ZBED6: variants seen among roughly 807,000 people sequenced by gnomAD.
ZBED6 encodes the protein zinc finger BED domain-containing protein 6.
Under a neutral mutation model 58.4 loss-of-function variants are expected in ZBED6, and 40 were observed. That is an observed-to-expected ratio of 0.68 (90% CI 0.53 to 0.89). The LOEUF is 0.89. Among genes scored for constraint, ZBED6 ranks in the 40% least tolerant of loss-of-function variants. ZBED6 has a pLI of 0.00. For synonymous variants in ZBED6, 439 were observed against 350.6 expected, an observed-to-expected ratio of 1.25 and a Z score of -2.82; for missense variants, 1,057 against 1,003.9, an observed-to-expected ratio of 1.05 and a Z score of -0.71.
At chr1:203,801,801 G>T (rs1256820064) in exon 1 of ZBED6, 4 of 115,566 alleles carry the variant, frequency 3.5e-5, no homozygotes, top group Middle Eastern at 4.8e-3. Flanking sequence ...TCAAAATCGG[G>T]TTTTTTTTGG....
Position 203,797,275 on chromosome 1 carries a change from T to G in ZBED6, c.-248T>G. 1 of 319,154 alleles carries G rather than the reference T, an allele frequency of 3.1e-6. No individual in the cohort carries two copies. Among genetic ancestry groups the G allele is most frequent in the Admixed American group, 4.6e-5 (1 of 21,534 alleles). 19.8% of individuals were successfully genotyped at this position (319,154 alleles called of 1,614,324 possible). The stretch of plus-strand genomic sequence containing the variant: ...CTGTAACATGAGGACACTGGACTAT[T>G]TGAATTCAGAACTTAGAAAATTGGA... On this transcript the variant is annotated 5_prime_UTR_variant, in exon 1 of 17. In the 5' UTR this introduces an upstream ATG that the reference lacks. Coordinates refer to ENST00000550078, the Ensembl canonical transcript of ZBED6.
intron 1 of ZBED6, among the ~76,000 whole-genome samples, chr1:203,814,384 T>C (rs10793742): frequency 0.98 from 149,322 of 152,268 alleles, 73,287 homozygotes; most frequent in East Asian, 1. Flanking sequence ...ATTAGCCATA[T>C]GTGGTGGTGC....
chr1:203,813,539 C>T (rs1675226491), intron 1 of ZBED6, among the ~76,000 whole-genome samples: 1 of 152,148 alleles, frequency 6.6e-6, no homozygotes. Flanking sequence ...CTATCCTTTT[C>T]CCCTTTGTCA....
At chr1:203,820,789 G>A (rs903076095) in intron 3 of ZBED6, among the ~76,000 whole-genome samples, 9 of 151,990 alleles carry the variant, frequency 5.9e-5, no homozygotes, top group Non-Finnish European at 1.3e-4. Flanking sequence ...TGGTATTTTT[G>A]TTGCATATCA....
chr1:203,800,312 C>G lies in ZBED6; in HGVS notation c.2790C>G (p.Ile930Met), dbSNP rs377177501. The stretch of plus-strand genomic sequence containing the variant: ...ATAGCCACTTTCATCCAAAACAGAT[C>G]ATGAGCCTGGACTTTGACAATATAG... The change falls in exon 1 of 17, where the codon ATC becomes ATG. Residue 930 changes from isoleucine (I) to methionine (M), a missense_variant. By Grantham distance (10) the Ile-to-Met change is conservative. Transcript: ENST00000550078. 2.2e-6 allele frequency: 2 copies of G among 894,488 alleles called. No individual in the cohort carries two copies. Among genetic ancestry groups the G allele is most frequent in the Non-Finnish European group, 3.6e-6 (2 of 560,300 alleles). 55.4% of individuals were successfully genotyped at this position (894,488 alleles called of 1,614,324 possible).
At chr1:203,828,194 C>T in intron 3 of ZBED6, 105 bp from the exon 4 acceptor site, 1 of 1,361,048 alleles carries the variant, frequency 7.3e-7, no homozygotes, top group Non-Finnish European at 1.0e-6. Flanking sequence ...TCTCACATGC[C>T]TCGGATTTTT....
At chr1:203,804,749 T>G (rs923338827) in intron 1 of ZBED6, among the ~76,000 whole-genome samples, 2 of 151,694 alleles carry the variant, frequency 1.3e-5, no homozygotes, top group African/African-American at 2.4e-5. Flanking sequence ...CTTGGCTCAT[T>G]GCAACCTCTG....
In ZBED6 at chr1:203,847,179, A is replaced by T; in HGVS notation, c.*3742-5A>T. ...TAATGACATGTTTTTCTCCTGTGAA[A>T]ACAGATAAAGTTAATAAAGTTGGTG... is the stretch of plus-strand genomic sequence containing the variant. On this transcript the variant is annotated splice_region_variant and splice_polypyrimidine_tract_variant and intron_variant, in intron 11 of 16. Coordinates refer to ENST00000550078, the Ensembl canonical transcript of ZBED6. 5.6e-6 allele frequency: 9 copies of T among 1,611,912 alleles called. No individual in the cohort carries two copies. The highest frequency in any genetic ancestry group is 7.6e-6 in the Non-Finnish European group (9 of 1,179,414).
intron 1 of ZBED6, among the ~76,000 whole-genome samples, chr1:203,803,485 C>G (rs902031242): frequency 6.6e-5 from 10 of 152,242 alleles, no homozygotes; most frequent in Non-Finnish European, 1.5e-4. Context: ...GCCACCGCCT[C>G]TGGCCCATAG....
chr1:203,851,991 A>G, intron 16 of ZBED6, 150 bp from the exon 17 acceptor site: 1 of 738,702 alleles, frequency 1.4e-6, no homozygotes, highest in Non-Finnish European at 2.1e-6. Flanking sequence ...AAAAAAAAAA[A>G]AAAAGCTTGA....
rs376190579 is a variant in ZBED6 at position 203,838,034 on chromosome 1, G to A, written c.*3642G>A. On this transcript the variant is annotated 3_prime_UTR_variant, in exon 10 of 17. Transcript: ENST00000550078. ...GCTAGGGAAGAAAGTTGAAGCTCCA[G>A]AAACTAACATTGACAAAACACCAAA... 28 of 1,614,064 alleles carry A rather than the reference G, an allele frequency of 1.7e-5. No individual in the cohort carries two copies. In the African/African-American group the frequency reaches 3.3e-4, roughly 19 times the overall value.
chr1:203,845,190 A>G lies in ZBED6; in HGVS notation c.*3742-1994A>G, dbSNP rs376373950. Reference sequence around the variant, plus strand: ...CTGTTTTAGAAATTCTTCAAGATGTATGCTCTGCCAGTGACATCCTTATTT... The same window carrying G: ...CTGTTTTAGAAATTCTTCAAGATGTGTGCTCTGCCAGTGACATCCTTATTT... On this transcript the variant is annotated intron_variant, in intron 11 of 16. Coordinates refer to ENST00000550078, the Ensembl canonical transcript of ZBED6. 7.9e-5 allele frequency among the ~76,000 whole-genome samples: 12 copies of G among 152,308 alleles called. No individual in the cohort carries two copies. The East Asian group carries it at 9.6e-4, about 12-fold the overall frequency.
At chr1:203,809,759 A>G (rs1016532885) in intron 1 of ZBED6, among the ~76,000 whole-genome samples, 7 of 152,012 alleles carry the variant, frequency 4.6e-5, no homozygotes, top group African/African-American at 1.2e-4. Flanking sequence ...TTCGAGACCA[A>G]TCTGGCCAAC....
intron 3 of ZBED6, among the ~76,000 whole-genome samples, chr1:203,819,226 ATT>A (rs967842944): frequency 8.1e-6 from 1 of 123,802 alleles, no homozygotes; most frequent in African/African-American, 3.0e-5. Context: ...CTTTCTTTTT[ATT>A]TTTTTTTTTT....
rs148639881 is a variant in ZBED6, at chr1:203,822,722, A to G, written c.*2873+4033A>G. The stretch of plus-strand genomic sequence containing the variant: ...CTTGTCAGGGTACCCTTTCATGCAC[A>G]TGTCCTCTTAACCCTCCAACCCTCC... On this transcript the variant is annotated intron_variant, in intron 3 of 16. Coordinates refer to ENST00000550078, the Ensembl canonical transcript of ZBED6. 2.4e-3 allele frequency among the ~76,000 whole-genome samples: 359 copies of G among 152,240 alleles called. 2 individuals are homozygous for G. The highest frequency in any genetic ancestry group is 4.5e-3 in the Non-Finnish European group (306 of 68,018).
intron 12 of ZBED6, among the ~76,000 whole-genome samples, 159 bp downstream of exon 12, chr1:203,847,846 C>G (rs994507827): frequency 6.6e-6 from 1 of 151,936 alleles, no homozygotes; most frequent in African/African-American, 2.4e-5. Flanking sequence ...CTATGTAGAC[C>G]TATGCTATTT....
Position 203,797,619 on chromosome 1 carries a change from A to G in ZBED6, c.97A>G (p.Ile33Val), listed in dbSNP as rs556654526. The G allele has an allele frequency of 1.3e-4, 198 of 1,535,948 alleles. No individual in the cohort carries two copies. Among genetic ancestry groups the G allele is most frequent in the African/African-American group, 1.6e-4 (12 of 73,156 alleles). The change falls in exon 1 of 17, where the codon ATT (isoleucine) becomes GTT (valine). Residue 33 changes from isoleucine (I) to valine (V), a missense_variant. By Grantham distance (29) the Ile-to-Val change is conservative. Coordinates refer to ENST00000550078, the Ensembl canonical transcript of ZBED6. ...TTCTGGGATTCTGGGATGTGTTCCT[A>G]TTAATTCTAATACAGATGAAGAAGA...
At chr1:203,850,603 C>G in exon 15 of ZBED6, 1 of 1,614,100 alleles carries the variant, frequency 6.2e-7, no homozygotes, top group Non-Finnish European at 8.5e-7. Flanking sequence ...TGGAGATGCA[C>G]GCTGCTGTCA....
intron 3 of ZBED6, among the ~76,000 whole-genome samples, chr1:203,826,888 G>T (rs1384569799): frequency 1.3e-5 from 2 of 152,148 alleles, no homozygotes; most frequent in African/African-American, 4.8e-5. Flanking sequence ...TTCATAGAGT[G>T]ATTATACTTA....
Sources: allele counts gnomAD v4.1 joint callset (sites outside exome capture counted in the v4.1 genomes callset), GRCh38; gene constraint gnomAD v4.1.1; transcripts MANE v1.5; gene names NCBI Gene and HGNC (gene_info 2026-07-23, HGNC 2026-07-21).